ZFHX3: variants seen among roughly 807,000 people sequenced by gnomAD.
ZFHX3 encodes zinc finger homeobox 3, also known as zinc finger homeobox protein 3.
A neutral mutation model predicts 279.1 loss-of-function variants in ZFHX3; 42 were observed. The ratio of observed to expected loss-of-function variants is 0.15; its 90% CI spans 0.12 to 0.19. The LOEUF (loss-of-function observed/expected upper bound fraction) is 0.19. Among genes scored for constraint, ZFHX3 ranks in the 10% least tolerant of loss-of-function variants. The pLI is 1.00. For missense variants in ZFHX3, 4,981 were observed against 4,754.0 expected, an observed-to-expected ratio of 1.05 and a Z score of -1.40; for synonymous variants, 2,293 against 1,957.8, an observed-to-expected ratio of 1.17 and a Z score of -4.52.
chr16:73,542,307 G>T (rs1357249786), intron 2 of ZFHX3, among the ~76,000 whole-genome samples: 1 of 152,200 alleles, frequency 6.6e-6, no homozygotes, highest in African/African-American at 2.4e-5. Context: ...ACTGGGCTGA[G>T]ATGTTTGAAT....
intron 7 of ZFHX3, among the ~76,000 whole-genome samples, chr16:72,801,039 G>T (rs919817903): frequency 6.6e-6 from 1 of 152,216 alleles, no homozygotes; most frequent in Admixed American, 6.5e-5. Flanking sequence ...AATGTGATAA[G>T]CAGCCCTCGA....
At chr16:73,661,707 G>A (rs1050700111) in intron 2 of ZFHX3, among the ~76,000 whole-genome samples, 149 of 121,688 alleles carry the variant, frequency 1.2e-3, no homozygotes, top group African/African-American at 4.4e-3. Context: ...GGACAACAAA[G>A]CAAGACTCCA....
intron 7 of ZFHX3, among the ~76,000 whole-genome samples, chr16:73,102,608 C>T (rs936510372): frequency 6.6e-6 from 1 of 152,164 alleles, no homozygotes; most frequent in Non-Finnish European, 1.5e-5. Context: ...GCCTTTCTGT[C>T]CTTGGTATTG....
At chr16:73,548,342 G>A (rs118084068) in intron 2 of ZFHX3, among the ~76,000 whole-genome samples, 7,730 of 152,190 alleles carry the variant, frequency 0.051, 232 homozygotes, top group South Asian at 0.12. Context: ...CACAGATCTC[G>A]TCTTCTTTAG....
rs1376027067 is a variant in ZFHX3, at chr16:73,355,125, C to A, written c.-1290-36789G>T. Among the ~76,000 whole-genome samples, 3 of 152,274 alleles carry A rather than the reference C, an allele frequency of 2.0e-5. No homozygotes were observed. The South Asian group carries it at 6.2e-4, about 32-fold the overall frequency. ...GGGGGATACGTGTTCCATTAGGAGCCAGCTTCCATTCAACCTTGAACCGAG... is the reference window on the plus strand; with the variant it reads ...GGGGGATACGTGTTCCATTAGGAGCAAGCTTCCATTCAACCTTGAACCGAG... On this transcript the variant is annotated intron_variant, in intron 3 of 17. Coordinates refer to the ZFHX3 transcript ENST00000641206.
At chr16:73,229,113 C>T (rs762339747) in intron 5 of ZFHX3, among the ~76,000 whole-genome samples, 5 of 152,136 alleles carry the variant, frequency 3.3e-5, no homozygotes, top group Non-Finnish European at 7.3e-5. Flanking sequence ...AGATCTGCTG[C>T]TCACCTAGGA....
chr16:73,678,826 C>A (rs1323351238), intron 2 of ZFHX3, among the ~76,000 whole-genome samples: 2 of 152,126 alleles, frequency 1.3e-5, no homozygotes, highest in Non-Finnish European at 1.5e-5. Context: ...TCAGTCCATA[C>A]CATTAGCACA....
In ZFHX3 at chr16:72,798,911, A is replaced by T. The variant is rs374678838; in HGVS notation, c.3968-197T>A. On this transcript the variant is annotated intron_variant, in intron 8 of 9. Transcript: ENST00000268489. ...TCCTCCAATAGAGCACATATTATAAACAGGGTGCACATGAACAGAGATGGA... is the reference window on the plus strand; with the variant it reads ...TCCTCCAATAGAGCACATATTATAATCAGGGTGCACATGAACAGAGATGGA... 4.1e-4 allele frequency among the ~76,000 whole-genome samples: 63 copies of T among 152,304 alleles called. No homozygotes were observed. In the East Asian group the frequency reaches 5.6e-3, roughly 14 times the overall value.
chr16:73,472,248 G>A (rs2018680767), intron 2 of ZFHX3, among the ~76,000 whole-genome samples: 1 of 146,824 alleles, frequency 6.8e-6, no homozygotes, highest in African/African-American at 2.5e-5. Flanking sequence ...TCTCAGGTCA[G>A]GATTCTACTT....
intron 1 of ZFHX3, among the ~76,000 whole-genome samples, chr16:73,043,669 C>A (rs962354298): frequency 6.6e-6 from 1 of 152,220 alleles, no homozygotes; most frequent in Non-Finnish European, 1.5e-5. Flanking sequence ...CAGAAACATT[C>A]CAGTCGTTTC....
intron 3 of ZFHX3, among the ~76,000 whole-genome samples, chr16:72,949,851 G>A (rs1017135267): frequency 1.8e-4 from 27 of 149,276 alleles, no homozygotes; most frequent in East Asian, 3.9e-4. Context: ...TTTATCCATC[G>A]TTTCTCACCC....
chr16:73,645,767 G>A (rs8059171), intron 2 of ZFHX3, among the ~76,000 whole-genome samples: 23,227 of 152,132 alleles, frequency 0.15, 2,767 homozygotes, highest in African/African-American at 0.34. Flanking sequence ...TAATTTCCTG[G>A]CTTGTAAAAA....
chr16:73,406,183 C>A (rs1567474172), intron 3 of ZFHX3, among the ~76,000 whole-genome samples: 1 of 152,260 alleles, frequency 6.6e-6, no homozygotes, highest in Admixed American at 6.5e-5. Flanking sequence ...TTCACAGTCA[C>A]CCCCATGTTG....
chr16:73,216,610 A>T (rs2012217375), intron 5 of ZFHX3, among the ~76,000 whole-genome samples: 1 of 152,180 alleles, frequency 6.6e-6, no homozygotes. Context: ...GGAAACACTG[A>T]TAGATCATTT....
intron 1 of ZFHX3, among the ~76,000 whole-genome samples, chr16:73,886,346 C>T (rs935159190): frequency 2.0e-5 from 3 of 151,828 alleles, no homozygotes; most frequent in Non-Finnish European, 4.4e-5. Flanking sequence ...CACAAATTAA[C>T]AGTCAGATAA....
chr16:73,717,481 C>T lies in ZFHX3; in HGVS notation c.-1607-37241G>A, dbSNP rs574554159. On this transcript the variant is annotated intron_variant, in intron 1 of 17. Coordinates refer to the ZFHX3 transcript ENST00000641206. The stretch of plus-strand genomic sequence containing the variant: ...AGCATGTGAATGTAAATATACCTAA[C>T]CTCAAATATTTCTTAAGATGAGAAC... Among the ~76,000 whole-genome samples, 5 of 152,280 alleles carry T rather than the reference C, an allele frequency of 3.3e-5. No individual in the cohort carries two copies. In the South Asian group the frequency reaches 1.0e-3, roughly 32 times the overall value.
intron 1 of ZFHX3, among the ~76,000 whole-genome samples, chr16:73,886,354 T>C (rs1056740086): frequency 1.3e-5 from 2 of 152,176 alleles, no homozygotes; most frequent in African/African-American, 4.8e-5. Flanking sequence ...AACAGTCAGA[T>C]AACCTCAAAA....
chr16:73,728,998 T>G (rs1431819807), intron 1 of ZFHX3, among the ~76,000 whole-genome samples: 1 of 152,070 alleles, frequency 6.6e-6, no homozygotes, highest in African/African-American at 2.4e-5. Context: ...TGAGGCAGTG[T>G]GTTCAGCCAG....
intron 4 of ZFHX3, among the ~76,000 whole-genome samples, chr16:72,883,276 G>A (rs1254875217): frequency 6.6e-6 from 1 of 152,092 alleles, no homozygotes; most frequent in Non-Finnish European, 1.5e-5. Context: ...CTATGTAAAT[G>A]CAAAATGCAG....
Sources: allele counts gnomAD v4.1 joint callset (sites outside exome capture counted in the v4.1 genomes callset), GRCh38; gene constraint gnomAD v4.1.1; transcripts MANE v1.5; gene names NCBI Gene and HGNC (gene_info 2026-07-23, HGNC 2026-07-21).